The following ZFP90 variants were observed in gnomAD, a reference collection of about 807,000 sequenced individuals.
The protein encoded by ZFP90 is ZFP90 zinc finger protein.
ZFP90 carries 38 observed loss-of-function variants against 60.8 expected under a neutral mutation model. The ratio of observed to expected loss-of-function variants is 0.62; its 90% confidence interval spans 0.48 to 0.82. The LOEUF (loss-of-function observed/expected upper bound fraction) is 0.82. Among genes scored for constraint, ZFP90 ranks in the 40% least tolerant of loss-of-function variants. The probability of loss-of-function intolerance (pLI) is 0.00; values close to 1 mark genes in which losing one functional copy is unlikely to be tolerated. For missense variants in ZFP90, 711 were observed against 759.1 expected (o/e 0.94, Z 0.74); for synonymous variants, 287 against 264.8 (o/e 1.08, Z -0.82).
intron 2 of ZFP90, among the ~76,000 whole-genome samples, chr16:68,555,990 A>G (rs751851836): frequency 3.3e-5 from 5 of 152,146 alleles, no homozygotes; most frequent in Admixed American, 6.5e-5. Flanking sequence ...ACTTTATTAT[A>G]TACTTTCTGA....
At chr16:68,555,566 G>A (rs148801453) in intron 2 of ZFP90, among the ~76,000 whole-genome samples, 197 of 152,280 alleles carry the variant, frequency 1.3e-3, no homozygotes, top group Middle Eastern at 0.01. Context: ...GTACTTGCTG[G>A]ACAATGGTGT....
chr16:68,546,300 C>T (rs2091148711), intron 2 of ZFP90, among the ~76,000 whole-genome samples: 1 of 152,138 alleles, frequency 6.6e-6, no homozygotes, highest in South Asian at 2.1e-4. Context: ...CTTAAGTGTA[C>T]AGTTCAGTGG....
intron 2 of ZFP90, among the ~76,000 whole-genome samples, chr16:68,551,507 C>A (rs116692998): frequency 6.8e-6 from 1 of 146,992 alleles, no homozygotes; most frequent in Non-Finnish European, 1.5e-5. Flanking sequence ...CTGCAAACTT[C>A]GTCTCCTGGG....
chr16:68,552,874 T>G (rs1474239438), intron 2 of ZFP90, among the ~76,000 whole-genome samples: 2 of 151,862 alleles, frequency 1.3e-5, no homozygotes, highest in African/African-American at 2.4e-5. Flanking sequence ...CTGGGCAACA[T>G]AGAGAAACCC....
chr16:68,561,979 GTTATT>G (rs1426859261), intron 4 of ZFP90: 1 of 151,956 alleles, frequency 6.6e-6, no homozygotes, highest in Non-Finnish European at 1.5e-5. Context: ...TTGTTAACAT[GTTATT>G]TTATTTGCTT....
At chr16:68,558,324 T>C (rs563796610) in intron 3 of ZFP90, 149 bp from the exon 4 acceptor site, 13 of 1,113,278 alleles carry the variant, frequency 1.2e-5, no homozygotes, top group African/African-American at 6.2e-5. Flanking sequence ...AAACTGGAAA[T>C]AGGCAATTTG....
chr16:68,571,362 AAAT>A (rs1390726067), downstream of ZFP90, among the ~76,000 whole-genome samples: 6 of 152,204 alleles, frequency 3.9e-5, no homozygotes, highest in South Asian at 6.2e-4. Context: ...GAAAGGCAAA[AAAT>A]AATAATAGTA....
At chr16:68,545,968 A>G (rs1443659214) in intron 2 of ZFP90, among the ~76,000 whole-genome samples, 1 of 152,184 alleles carries the variant, frequency 6.6e-6, no homozygotes, top group Non-Finnish European at 1.5e-5. Context: ...TGAGCCCAGG[A>G]GTTCGAAACC....
rs2091503368 is a variant in ZFP90, at chr16:68,565,019, A to G, written c.*321A>G. The G allele has an allele frequency of 1.9e-6, 2 of 1,046,210 alleles. No homozygotes were observed. Among genetic ancestry groups the G allele is most frequent in the Non-Finnish European group, 2.3e-6 (2 of 870,080 alleles). The allele number at this position is 1,046,210 out of a possible 1,614,324, so 64.8% of individuals were successfully genotyped here. A position where few individuals can be genotyped will look rare whatever the true frequency, so the allele number is the denominator to read the frequency against. On this transcript the variant is annotated 3_prime_UTR_variant, in exon 5 of 5. Transcript: ENST00000563169. The stretch of plus-strand genomic sequence containing the variant: ...TCTTGACTTGTGACCCCCAATGTCA[A>G]CAGCTTTTTTAAAAAGCAAATTCCT...
downstream of ZFP90, among the ~76,000 whole-genome samples, chr16:68,571,166 G>A (rs1054847959): frequency 6.6e-6 from 1 of 152,198 alleles, no homozygotes; most frequent in Non-Finnish European, 1.5e-5. Context: ...CACAGCCTAT[G>A]ATTTCTGCAA....
intron 4 of ZFP90, chr16:68,562,557 A>G (rs1338470310): frequency 5.8e-6 from 1 of 172,680 alleles, no homozygotes; most frequent in Non-Finnish European, 1.2e-5. Flanking sequence ...GAGAAAATGC[A>G]GTATTTCAAA....
At chr16:68,552,846 A>G (rs192204425) in intron 2 of ZFP90, among the ~76,000 whole-genome samples, 13 of 152,274 alleles carry the variant, frequency 8.5e-5, no homozygotes, top group Non-Finnish European at 1.9e-4. Context: ...GCTTGAGCCC[A>G]TAAGTTCATA....
At chr16:68,555,140 T>C (rs1335664172) in intron 2 of ZFP90, 1 of 152,398 alleles carries the variant, frequency 6.6e-6, no homozygotes, top group Non-Finnish European at 1.5e-5. Context: ...TCCCAATCTT[T>C]TGTGCTTTGA....
chr16:68,543,540 T>C (rs2091090197), intron 2 of ZFP90, among the ~76,000 whole-genome samples: 1 of 146,336 alleles, frequency 6.8e-6, no homozygotes, highest in Non-Finnish European at 1.5e-5. Context: ...TATGTAAACA[T>C]TATACATCCT....
Position 68,563,077 on chromosome 16 carries a change from A to G in ZFP90, c.290A>G (p.His97Arg), listed in dbSNP as rs901237444. Residue 97 changes from histidine (H) to arginine (R), a missense_variant, in exon 5 of 5, where the codon CAT becomes CGT. Around this residue, in one of 5 missense-constraint regions of ZFP90, gnomAD observed 241 missense variants for 247.6 expected, o/e 0.97. Coordinates refer to ENST00000563169, the MANE Select transcript of ZFP90 (RefSeq NM_001305203.2). The stretch of plus-strand genomic sequence containing the variant: ...ACCAGGCCTGAAGTCAAATCATCAC[A>G]TTTGCAGCAGGATGTATCAGAAGTA... ...WKTRPEVKSSHLQQDVSEVSH... is the reference protein window; with the variant it reads ...WKTRPEVKSSRLQQDVSEVSH... The G allele has an allele frequency of 5.0e-6, 8 of 1,614,056 alleles. No individual in the cohort carries two copies. The Admixed American group carries it at 1.0e-4, about 20-fold the overall frequency.
chr16:68,540,288 T>C (rs1243978015), intron 2 of ZFP90, among the ~76,000 whole-genome samples: 1 of 152,104 alleles, frequency 6.6e-6, no homozygotes, highest in Admixed American at 6.6e-5. Flanking sequence ...AGGAAGAGGC[T>C]GGAGATGGGC....
downstream of ZFP90, among the ~76,000 whole-genome samples, chr16:68,569,597 G>A (rs140780559): frequency 0.022 from 3,367 of 152,166 alleles, 54 homozygotes; most frequent in Middle Eastern, 0.037. Flanking sequence ...AGTTAACTGA[G>A]AACAAGAAAA....
intron 4 of ZFP90, among the ~76,000 whole-genome samples, chr16:68,559,623 A>G (rs2091404945): frequency 6.6e-6 from 1 of 152,182 alleles, no homozygotes; most frequent in African/African-American, 2.4e-5. Context: ...GCTGGAGTGC[A>G]GTGGTGTGAT....
At chr16:68,561,504 A>G (rs1260268888) in intron 4 of ZFP90, among the ~76,000 whole-genome samples, 1 of 152,180 alleles carries the variant, frequency 6.6e-6, no homozygotes, top group African/African-American at 2.4e-5. Flanking sequence ...GACAACAAAT[A>G]TCATTTATAT....
Sources: allele counts gnomAD v4.1 joint callset (sites outside exome capture counted in the v4.1 genomes callset), GRCh38; gene constraint gnomAD v4.1.1; regional missense constraint gnomAD v4.1.1; transcripts MANE v1.5; gene names NCBI Gene and HGNC (gene_info 2026-07-23, HGNC 2026-07-21).